Variants in NAV2 observed in about 807,000 individuals in gnomAD.
NAV2 encodes neuron navigator 2.
NAV2 carries 54 observed loss-of-function variants against 223.2 expected under a neutral mutation model. The observed-to-expected ratio is 0.24, with a 90% CI of 0.19 to 0.30. The LOEUF (loss-of-function observed/expected upper bound fraction) is 0.30. NAV2 is among the 10% of genes least tolerant of loss of function. The pLI is 1.00. For synonymous variants in NAV2, 1,279 were observed against 1,239.3 expected, an observed-to-expected ratio of 1.03 and a Z score of -0.67; for missense variants, 2,806 against 3,147.5, an observed-to-expected ratio of 0.89 and a Z score of 2.60.
intron 6 of NAV2, among the ~76,000 whole-genome samples, chr11:19,923,039 A>G (rs1210736599): frequency 6.6e-6 from 1 of 152,242 alleles, no homozygotes; most frequent in Non-Finnish European, 1.5e-5. Context: ...GAAAGCAGGT[A>G]TACCTTATGG....
chr11:20,095,064 A>C (rs1430475364), intron 29 of NAV2, among the ~76,000 whole-genome samples: 1 of 152,204 alleles, frequency 6.6e-6, no homozygotes, highest in Middle Eastern at 3.2e-3. Context: ...ACATGTTTTA[A>C]GTTTTAACAA....
At chr11:19,502,824 A>G (rs1467684142) in intron 1 of NAV2, 1 of 152,182 alleles carries the variant, frequency 6.6e-6, no homozygotes, top group Non-Finnish European at 1.5e-5. Flanking sequence ...GTGGCTTCAG[A>G]GTTTGAAGTC....
At chr11:19,665,885 T>C (rs2048396612) in intron 1 of NAV2, among the ~76,000 whole-genome samples, 1 of 152,198 alleles carries the variant, frequency 6.6e-6, no homozygotes, top group Non-Finnish European at 1.5e-5. Context: ...TCTAGGATTA[T>C]GAATCACAAC....
intron 6 of NAV2, among the ~76,000 whole-genome samples, chr11:19,916,487 T>C (rs2043816906): frequency 6.6e-6 from 1 of 152,234 alleles, no homozygotes; most frequent in Non-Finnish European, 1.5e-5. Flanking sequence ...CTCTTTTCAG[T>C]TTAAAGGATT....
chr11:19,962,867 G>A (rs191898274), intron 10 of NAV2, among the ~76,000 whole-genome samples: 104 of 152,350 alleles, frequency 6.8e-4, no homozygotes, highest in African/African-American at 2.4e-3. Context: ...AACAGTGGGA[G>A]ACAGGGTCTG....
chr11:19,884,022 A>G (rs1344058758), intron 5 of NAV2, among the ~76,000 whole-genome samples: 1 of 152,268 alleles, frequency 6.6e-6, no homozygotes, highest in Non-Finnish European at 1.5e-5. Flanking sequence ...CCTTAAGGCA[A>G]GAAAGACATT....
chr11:19,426,320 G>A (rs1415326117), intron 1 of NAV2, among the ~76,000 whole-genome samples: 1 of 152,138 alleles, frequency 6.6e-6, no homozygotes, highest in Non-Finnish European at 1.5e-5. Flanking sequence ...GCAGTCTCCA[G>A]AGGAATCCAG....
At chr11:19,950,969 A>T (rs1054262193) in intron 10 of NAV2, among the ~76,000 whole-genome samples, 1 of 152,234 alleles carries the variant, frequency 6.6e-6, no homozygotes, top group Non-Finnish European at 1.5e-5. Context: ...TCTGAGAAGC[A>T]TTCCTGCCTT....
intron 1 of NAV2, among the ~76,000 whole-genome samples, chr11:19,810,394 G>A (rs2058783264): frequency 6.6e-6 from 1 of 152,088 alleles, no homozygotes; most frequent in Admixed American, 6.5e-5. Flanking sequence ...GGTTCTTTTG[G>A]TTGGAGAATG....
chr11:19,774,280 G>A (rs1351701930), intron 1 of NAV2, among the ~76,000 whole-genome samples: 21 of 152,170 alleles, frequency 1.4e-4, no homozygotes, highest in Admixed American at 1.4e-3. Context: ...GGGCACAAAT[G>A]ATCCTCCCAC....
chr11:19,738,229 C>T (rs913399884), intron 1 of NAV2, among the ~76,000 whole-genome samples: 1 of 152,206 alleles, frequency 6.6e-6, no homozygotes, highest in African/African-American at 2.4e-5. Flanking sequence ...GTGACATGCC[C>T]CAGAGTCGGG....
intron 1 of NAV2, among the ~76,000 whole-genome samples, chr11:19,491,709 A>C (rs192532181): frequency 6.6e-6 from 1 of 152,304 alleles, no homozygotes; most frequent in Non-Finnish European, 1.5e-5. Context: ...CTGGAATAAC[A>C]CTTTTAACTT....
At chr11:19,413,798 G>A (rs7396643) in intron 1 of NAV2, among the ~76,000 whole-genome samples, 112,542 of 152,038 alleles carry the variant, frequency 0.74, 41,899 homozygotes, top group African/African-American at 0.82. Context: ...AGAATTTTCA[G>A]CCCAGAATTT....
chr11:19,481,538 G>A (rs745490004), intron 1 of NAV2, among the ~76,000 whole-genome samples: 2 of 152,192 alleles, frequency 1.3e-5, no homozygotes, highest in Non-Finnish European at 2.9e-5. Context: ...GTGTTGCAGG[G>A]CAAAATACTT....
chr11:19,688,697 C>A (rs888756292), intron 1 of NAV2, among the ~76,000 whole-genome samples: 8 of 152,150 alleles, frequency 5.3e-5, no homozygotes, highest in South Asian at 2.1e-4. Flanking sequence ...ACTAAGAGAG[C>A]TTTTGTGGGC....
intron 11 of NAV2, among the ~76,000 whole-genome samples, chr11:20,031,233 C>A (rs945134250): frequency 1.1e-4 from 17 of 152,234 alleles, no homozygotes; most frequent in African/African-American, 4.1e-4. Context: ...ACATAGTAAA[C>A]ACGAATTCTC....
intron 17 of NAV2, 54 bp downstream of exon 17, chr11:20,051,387 G>A: frequency 6.5e-7 from 1 of 1,540,830 alleles, no homozygotes; most frequent in South Asian, 1.1e-5. Context: ...TTGGAGCTTG[G>A]CTGTGTGACT....
At chr11:20,014,800 G>T (rs1462133874) in intron 11 of NAV2, among the ~76,000 whole-genome samples, 2 of 152,166 alleles carry the variant, frequency 1.3e-5, no homozygotes, top group African/African-American at 4.8e-5. Context: ...TACTTGGGAG[G>T]CTGAGGCAGG....
At chr11:19,544,581 G>T (rs922982721) in intron 1 of NAV2, among the ~76,000 whole-genome samples, 1 of 152,182 alleles carries the variant, frequency 6.6e-6, no homozygotes, top group Non-Finnish European at 1.5e-5. Context: ...ACCTGTCTAT[G>T]TTGACAGCTT....
Sources: gnomAD v4.1 joint callset for allele counts (sites outside exome capture counted in the v4.1 genomes callset) on GRCh38, gnomAD v4.1.1 for gene constraint, MANE v1.5 for transcripts, NCBI Gene and HGNC (gene_info 2026-07-23, HGNC 2026-07-21) for gene names.